Variants in SCRIB observed in about 807,000 individuals in gnomAD.
The protein encoded by SCRIB is protein scribble homolog.
SCRIB carries 72 observed loss-of-function variants against 170.0 expected under a neutral mutation model. That is an observed-to-expected ratio of 0.42 (90% CI 0.35 to 0.52). SCRIB has a LOEUF of 0.52. Among genes scored for constraint, SCRIB ranks in the 20% least tolerant of loss-of-function variants. The pLI is 0.02. For synonymous variants in SCRIB, 1,298 were observed against 1,044.3 expected (o/e 1.24, Z -4.68); for missense variants, 2,475 against 2,338.5 (o/e 1.06, Z -1.20).
chr8:143,815,759 C>T lies in SCRIB; in HGVS notation c.-387G>A. 4 of 984,128 alleles carry T rather than the reference C, an allele frequency of 4.1e-6. No individual in the cohort carries two copies. Among genetic ancestry groups the T allele is most frequent in the Non-Finnish European group, 4.8e-6 (4 of 829,528 alleles). 61.0% of individuals were successfully genotyped at this position (984,128 alleles called of 1,614,324 possible). A position where few individuals can be genotyped will look rare whatever the true frequency, so the allele number is the denominator to read the frequency against. On this transcript the variant is annotated 5_prime_UTR_variant, in exon 1 of 37. Coordinates refer to ENST00000356994, the MANE Select transcript of SCRIB (RefSeq NM_182706.5). ...CCCACCCGGCCGCCGCGCAGCCCGT[C>T]GGGAAGCCGAGTCCGGCCCTCGCCG...
intron 13 of SCRIB, 74 bp downstream of exon 13, chr8:143,810,405 C>G (rs566497988): frequency 1.6e-4 from 252 of 1,566,998 alleles, no homozygotes; most frequent in Non-Finnish European, 2.1e-4. Flanking sequence ...CTCACAGCCC[C>G]ACTCCCAGGA....
chr8:143,806,981 G>GCCC lies in SCRIB; in HGVS notation c.2208_2210dup (p.Gly737dup), dbSNP rs1554636750. On this transcript the variant is annotated inframe_insertion, in exon 17 of 37. Transcript: ENST00000356994. The stretch of plus-strand genomic sequence containing the variant: ...TGCCGCCCGCAATGCTGATGCCCAG[G>GCCC]CCCCCAGTCTGCCGCAGGATAGTGA... 16 of 1,613,060 alleles carry GCCC rather than the reference G, an allele frequency of 9.9e-6. No individual in the cohort carries two copies. Among genetic ancestry groups the GCCC allele is most frequent in the East Asian group, 2.2e-5 (1 of 44,850 alleles).
At chr8:143,795,918 G>A (rs115907748) in intron 24 of SCRIB, among the ~76,000 whole-genome samples, 4,650 of 152,222 alleles carry the variant, frequency 0.031, 101 homozygotes, top group Non-Finnish European at 0.047. Context: ...GGGGCAGAAC[G>A]GCCCCCTCGG....
At position 143,809,629 on chromosome 8, in the gene SCRIB, C is replaced by T. The variant is rs762872473; in HGVS notation, c.1620G>A (p.Ser540=). 25 of 1,611,208 alleles carry T rather than the reference C, an allele frequency of 1.6e-5. No individual in the cohort carries two copies. Among genetic ancestry groups the T allele is most frequent in the East Asian group, 1.3e-4 (6 of 44,890 alleles). Residue 540 remains serine (S), a synonymous_variant, in exon 14 of 37, where the codon TCG becomes TCA. Coordinates refer to ENST00000356994, the MANE Select transcript of SCRIB (RefSeq NM_182706.5). ...TVSEAEPEGP[S]AEAQGGSQQE... The stretch of plus-strand genomic sequence containing the variant: ...GCTGGCTCCCACCCTGTGCCTCAGC[C>T]GACGGGCCCTCGGGCTCAGCCTCAG...
At chr8:143,794,717 C>A (rs553922124) in intron 27 of SCRIB, among the ~76,000 whole-genome samples, 34 of 152,140 alleles carry the variant, frequency 2.2e-4, no homozygotes, top group African/African-American at 7.9e-4. Context: ...AGCCTCTGCC[C>A]CCACTCGCAC....
chr8:143,792,763 A>G lies in SCRIB; in HGVS notation c.4122T>C (p.Pro1374=). Reference sequence around the variant, plus strand: ...CAGCACCCACCAGGGACACGCGCTTAGGGGGGCCCTCGGCCTGGGGCACGC... The same window carrying G: ...CAGCACCCACCAGGGACACGCGCTTGGGGGGGCCCTCGGCCTGGGGCACGC... ...EVRVPQAEGP[P]KRVSLVGADD... is the part of the protein sequence containing the mutation. Residue 1374 remains proline, a synonymous_variant, in exon 30 of 37, where the codon CCT becomes CCC. Coordinates refer to ENST00000356994, the MANE Select transcript of SCRIB (RefSeq NM_182706.5). 1 of 1,587,930 alleles carries G rather than the reference A, an allele frequency of 6.3e-7. No individual in the cohort carries two copies.
At position 143,796,547 on chromosome 8, in the gene SCRIB, G is replaced by A. The variant is rs557244566; in HGVS notation, c.3604-1017C>T. 6.6e-5 allele frequency among the ~76,000 whole-genome samples: 10 copies of A among 152,326 alleles called. No homozygotes were observed. In the South Asian group the frequency reaches 1.7e-3, roughly 25 times the overall value. ...GTTCAGAGCTGTCGAGCAGGCAGAC[G>A]GATGCCGTCACCACAGAAGATGCTG... On this transcript the variant is annotated intron_variant, in intron 24 of 36. Transcript: ENST00000356994.
chr8:143,801,795 G>T (rs1039090325), intron 24 of SCRIB, among the ~76,000 whole-genome samples: 3 of 152,188 alleles, frequency 2.0e-5, no homozygotes, highest in Non-Finnish European at 4.4e-5. Flanking sequence ...GGCAGAAATG[G>T]TATCTGCCCC....
At chr8:143,793,279 C>A (rs902298717) in intron 28 of SCRIB, 196 bp from the exon 29 acceptor site, 28 of 466,092 alleles carry the variant, frequency 6.0e-5, no homozygotes, top group African/African-American at 5.7e-4. Context: ...ACCTCTGCCC[C>A]TGGGGGCTGG....
rs756214410 is a variant in SCRIB, at chr8:143,808,887, G to A, written c.1837C>T (p.His613Tyr). The A allele has an allele frequency of 3.1e-6, 5 of 1,609,826 alleles. No individual in the cohort carries two copies. The highest frequency in any genetic ancestry group is 3.4e-6 in the Non-Finnish European group (4 of 1,179,962). Residue 613 changes from histidine to tyrosine, a missense_variant, in exon 15 of 37, where the codon CAC (histidine) becomes TAC (tyrosine). Around this residue, in one of 3 missense-constraint regions of SCRIB, gnomAD observed 1,966 missense variants for 1,742.9 expected, o/e 1.13. Coordinates refer to ENST00000356994, the MANE Select transcript of SCRIB (RefSeq NM_182706.5). ...TGGGGCAGCTTGGAGATCTTGAAGT[G>A]CTTTTTGTAGTGAGGTGTGTCCTTG... ...IRKDTPHYKK[H>Y]FKISKLPQPE...
chr8:143,805,561 G>A, intron 18 of SCRIB, 126 bp from the exon 19 acceptor site: 1 of 989,244 alleles, frequency 1.0e-6, no homozygotes, highest in Non-Finnish European at 1.4e-6. Flanking sequence ...AAAGGCCCCA[G>A]GCGCTGACAT....
At chr8:143,809,369 A>C (rs1815596585) in intron 14 of SCRIB, among the ~76,000 whole-genome samples, 182 bp downstream of exon 14, 1 of 152,040 alleles carries the variant, frequency 6.6e-6, no homozygotes, top group Non-Finnish European at 1.5e-5. Flanking sequence ...GCAGCTCTCC[A>C]GGGCACCCCC....
At chr8:143,802,028 C>G in intron 24 of SCRIB, among the ~76,000 whole-genome samples, 1 of 152,248 alleles carries the variant, frequency 6.6e-6, no homozygotes, top group Non-Finnish European at 1.5e-5. Context: ...AGCTCGCTCC[C>G]TCTCTAATAA....
intron 13 of SCRIB, 125 bp downstream of exon 13, chr8:143,810,354 A>G: frequency 7.2e-7 from 1 of 1,390,234 alleles, no homozygotes; most frequent in South Asian, 1.3e-5. Flanking sequence ...GAAACCTGTC[A>G]CCAGCCTCAT....
At chr8:143,810,286 G>A (rs1274448024) in intron 13 of SCRIB, among the ~76,000 whole-genome samples, 193 bp downstream of exon 13, 6 of 152,052 alleles carry the variant, frequency 3.9e-5, no homozygotes, top group South Asian at 2.1e-4. Context: ...CGCCCTGCAC[G>A]ACCCACACGT....
rs1554633143 is a variant in SCRIB at position 143,792,573 on chromosome 8, C to A, written c.4240G>T (p.Ala1414Ser). The A allele has an allele frequency of 1.9e-6, 3 of 1,578,668 alleles. No homozygotes were observed. Among genetic ancestry groups the A allele is most frequent in the East Asian group, 4.6e-5 (2 of 43,846 alleles). ...LREAAEAGAE[A>S]RLALDGETLG... ...GTCTCCCCGTCCAGGGCGAGCCTCG[C>A]TTCGGCCCCAGCCTCTGCCGCCTCC... The change falls in exon 31 of 37, where the codon GCG becomes TCG. Residue 1414 changes from alanine (A) to serine (S), a missense_variant. Transcript: ENST00000356994.
chr8:143,790,970 TTTGG>T lies in SCRIB; in HGVS notation c.*189_*192del, dbSNP rs764967397. On this transcript the variant is annotated 3_prime_UTR_variant, in exon 37 of 37. Transcript: ENST00000356994. ...TCTCCTTAAACCACAAAATAGAGTC[TTTGG>T]TTGTACAAACATCACTAGTTACAGT... 1.2e-4 allele frequency: 58 copies of T among 502,722 alleles called. No individual in the cohort carries two copies. The highest frequency in any genetic ancestry group is 1.4e-4 in the Non-Finnish European group (44 of 314,078). The allele number at this position is 502,722 out of a possible 1,614,324, so 31.1% of individuals were successfully genotyped here.
In SCRIB at chr8:143,803,725, G is replaced by T. The variant is rs1554635553; in HGVS notation, c.3336C>A (p.Gly1112=). ...CCCTGGCACCCCCGCGGATGCTGAT[G>T]CCCAGCCTCTCCCCAGGTGCCTTCT... The part of the protein sequence containing the change: ...CIQKAPGERL[G]ISIRGGARGH... Residue 1112 remains glycine (G), a synonymous_variant, in exon 23 of 37, where the codon GGC becomes GGA. Coordinates refer to ENST00000356994, the MANE Select transcript of SCRIB (RefSeq NM_182706.5). The T allele has an allele frequency of 6.3e-7, 1 of 1,595,172 alleles. No individual in the cohort carries two copies. Among genetic ancestry groups the T allele is most frequent in the Admixed American group, 1.7e-5 (1 of 58,846 alleles).
chr8:143,807,764 G>C (rs1554636967), intron 15 of SCRIB, 150 bp from the exon 16 acceptor site: 1 of 696,990 alleles, frequency 1.4e-6, no homozygotes, highest in Non-Finnish European at 2.6e-6. Flanking sequence ...CCATCCTGGA[G>C]GCGTGAGTGA....
Sources: gnomAD v4.1 joint callset for allele counts (sites outside exome capture counted in the v4.1 genomes callset) on GRCh38, gnomAD v4.1.1 for gene constraint, gnomAD v4.1.1 regional missense constraint, MANE v1.5 for transcripts, NCBI Gene and HGNC (gene_info 2026-07-23, HGNC 2026-07-21) for gene names.